NDST3: variants seen among roughly 807,000 people sequenced by gnomAD.
NDST3 encodes the protein bifunctional heparan sulfate N-deacetylase/N-sulfotransferase 3.
In NDST3, 58 loss-of-function variants were observed where a neutral mutation model predicts 96.1. The ratio of observed to expected loss-of-function variants is 0.60; its 90% CI spans 0.49 to 0.75. The LOEUF is 0.75. NDST3 is among the 30% of genes least tolerant of loss of function. The pLI, the probability that NDST3 is intolerant of heterozygous loss-of-function variation, is 0.00. For synonymous variants in NDST3, 333 were observed against 359.7 expected, an observed-to-expected ratio of 0.93 and a Z score of 0.84; for missense variants, 788 against 1,034.2, an observed-to-expected ratio of 0.76 and a Z score of 3.27.
intron 8 of NDST3, among the ~76,000 whole-genome samples, chr4:118,230,422 AAAT>A (rs1378492495): frequency 1.3e-5 from 2 of 152,126 alleles, no homozygotes; most frequent in Non-Finnish European, 2.9e-5. Context: ...AAAAATACAA[AAAT>A]TTAGCCGGGT....
chr4:118,152,221 G>A lies in NDST3; in HGVS notation c.1539+8537G>A, dbSNP rs1734445061. 5.3e-5 allele frequency among the ~76,000 whole-genome samples: 8 copies of A among 152,112 alleles called. No individual in the cohort carries two copies. In the South Asian group the frequency reaches 1.7e-3, roughly 31 times the overall value. ...CACTGGGGCTGAATTATGTATCGTT[G>A]TGTTCTGTTCTTTACACATGCATTT... On this transcript the variant is annotated intron_variant, in intron 6 of 13. Transcript: ENST00000296499.
chr4:118,226,393 C>T lies in NDST3; in HGVS notation c.1723-493C>T, dbSNP rs74626588. On this transcript the variant is annotated intron_variant, in intron 7 of 13. Coordinates refer to ENST00000296499, the MANE Select transcript of NDST3 (RefSeq NM_004784.3). ...TAGATATACATTTATCAACCTTTGA[C>T]GGCAGCTGAGACGTATCTGCTGTCT... is the stretch of plus-strand genomic sequence containing the variant. 5.4e-3 allele frequency among the ~76,000 whole-genome samples: 817 copies of T among 152,212 alleles called. 14 individuals are homozygous for T. Among genetic ancestry groups the T allele is most frequent in the African/African-American group, 0.019 (775 of 41,536 alleles).
Position 118,226,915 on chromosome 4 carries a change from C to T in NDST3, c.1752C>T (p.Asp584=). 6.2e-7 allele frequency: 1 copy of T among 1,613,608 alleles called. No homozygotes were observed. The highest frequency in any genetic ancestry group is 8.5e-7 in the Non-Finnish European group (1 of 1,179,818). ...QNPCDDKRHR[D]IWSKEKTCDR... Reference sequence around the variant, plus strand: ...CTTGCGATGACAAACGCCACAGAGACATTTGGTCTAAAGAAAAAACTTGTG... The same window carrying T: ...CTTGCGATGACAAACGCCACAGAGATATTTGGTCTAAAGAAAAAACTTGTG... Residue 584 remains aspartate (D), a synonymous_variant, in exon 8 of 14, where the codon GAC becomes GAT. Transcript: ENST00000296499.
At chr4:118,124,988 C>T (rs1277320442) in intron 4 of NDST3, among the ~76,000 whole-genome samples, 1 of 151,988 alleles carries the variant, frequency 6.6e-6, no homozygotes, top group Non-Finnish European at 1.5e-5. Context: ...CCTCAAGTTC[C>T]AGATTTTTTT....
chr4:118,145,568 T>C (rs1733878233), intron 6 of NDST3, among the ~76,000 whole-genome samples: 1 of 152,244 alleles, frequency 6.6e-6, no homozygotes, highest in South Asian at 2.1e-4. Context: ...CTATTGTCTT[T>C]GTTTTTAAAA....
intron 4 of NDST3, among the ~76,000 whole-genome samples, chr4:118,129,906 T>C (rs1346450134): frequency 1.1e-4 from 17 of 152,112 alleles, no homozygotes. Context: ...TTATATACTA[T>C]TACGGGGTTG....
rs1223804983 is a variant in NDST3, at chr4:118,256,313, T to A, written c.*601T>A. 2.0e-5 allele frequency: 3 copies of A among 151,800 alleles called. No individual in the cohort carries two copies. The highest frequency in any genetic ancestry group is 7.3e-5 in the African/African-American group (3 of 41,364). 9.4% of individuals were successfully genotyped at this position (151,800 alleles called of 1,614,324 possible). A position where few individuals can be genotyped will look rare whatever the true frequency, so the allele number is the denominator to read the frequency against. On this transcript the variant is annotated 3_prime_UTR_variant, in exon 14 of 14. Transcript: ENST00000296499. ...GAGTGTTATCTGCACCAAAAAAAAA[T>A]AAGTGCTATAGCAAAAGTGATTTTT... is the stretch of plus-strand genomic sequence containing the variant.
At chr4:118,071,425 C>T (rs1727064181) in intron 2 of NDST3, among the ~76,000 whole-genome samples, 1 of 152,100 alleles carries the variant, frequency 6.6e-6, no homozygotes, top group East Asian at 1.9e-4. Flanking sequence ...CCTCCACCCT[C>T]AAGTAGGTGC....
At chr4:118,055,813 T>C (rs1725391874) in intron 2 of NDST3, among the ~76,000 whole-genome samples, 1 of 151,848 alleles carries the variant, frequency 6.6e-6, no homozygotes, top group Non-Finnish European at 1.5e-5. Context: ...GAGCAAAAAA[T>C]ACATCTTGAA....
chr4:118,095,745 A>G (rs1451977791), intron 2 of NDST3, among the ~76,000 whole-genome samples: 4 of 151,806 alleles, frequency 2.6e-5, no homozygotes, highest in African/African-American at 9.7e-5. Context: ...TTTTCCCTAC[A>G]CTGGCAACCA....
intron 2 of NDST3, among the ~76,000 whole-genome samples, chr4:118,061,594 G>T (rs921543276): frequency 6.6e-6 from 1 of 152,040 alleles, no homozygotes; most frequent in African/African-American, 2.4e-5. Flanking sequence ...TTATTAGGTT[G>T]GTGCAAAAAT....
Position 118,204,741 on chromosome 4 carries a change from T to C in NDST3, c.1540-19750T>C, listed in dbSNP as rs1206850357. On this transcript the variant is annotated intron_variant, in intron 6 of 13. Transcript: ENST00000296499. Reference sequence around the variant, plus strand: ...GTATATACACATGTGTCTTTGTGAATATAAATATAAATCTATCTATATATA... The same window carrying C: ...GTATATACACATGTGTCTTTGTGAACATAAATATAAATCTATCTATATATA... 2.1e-5 allele frequency among the ~76,000 whole-genome samples: 3 copies of C among 144,918 alleles called. 1 individual carries two copies. The highest frequency in any genetic ancestry group is 4.6e-5 in the Non-Finnish European group (3 of 65,384).
chr4:118,194,333 A>T lies in NDST3; in HGVS notation c.1540-30158A>T, dbSNP rs561538282. 845 of 734,136 alleles carry T rather than the reference A, an allele frequency of 1.2e-3. 13 individuals carry two copies. The South Asian group carries it at 0.012, about 10-fold the overall frequency. 45.5% of individuals were successfully genotyped at this position (734,136 alleles called of 1,614,324 possible). On this transcript the variant is annotated intron_variant, in intron 6 of 13. Transcript: ENST00000296499. ...TTCCGCCATCTTCTTCTTCCGTCAG[A>T]TCTTCTCCCTTAAACTCAAACAACT...
Position 118,054,268 on chromosome 4 carries a change from C to T in NDST3, c.358C>T (p.Leu120Phe), listed in dbSNP as rs1254201469. ...IAPGKGDLPV[L>F]IDKMKGKYIL... ...CCCTGGAAAGGGAGATCTCCCAGTGCTTATAGACAAAATGAAAGGCAAATA... is the reference window on the plus strand; with the variant it reads ...CCCTGGAAAGGGAGATCTCCCAGTGTTTATAGACAAAATGAAAGGCAAATA... The change falls in exon 2 of 14, where the codon CTT becomes TTT. Residue 120 changes from leucine to phenylalanine, a missense_variant. Around this residue, in one of 3 missense-constraint regions of NDST3, gnomAD observed 234 missense variants for 256.9 expected, o/e 0.91. Coordinates refer to ENST00000296499, the MANE Select transcript of NDST3 (RefSeq NM_004784.3). The T allele has an allele frequency of 1.2e-6, 2 of 1,612,094 alleles. No individual in the cohort carries two copies. The highest frequency in any genetic ancestry group is 1.7e-6 in the Non-Finnish European group (2 of 1,179,156).
chr4:118,236,415 T>TA (rs1311418768), intron 9 of NDST3, among the ~76,000 whole-genome samples: 3 of 152,204 alleles, frequency 2.0e-5, no homozygotes, highest in Non-Finnish European at 4.4e-5. Flanking sequence ...GGAAATTTGT[T>TA]AGAGTTTTAT....
chr4:118,217,113 A>G (rs918011591), intron 6 of NDST3, among the ~76,000 whole-genome samples: 1 of 152,116 alleles, frequency 6.6e-6, no homozygotes, highest in Non-Finnish European at 1.5e-5. Context: ...AACAGTGGAC[A>G]TGACACTCTT....
rs187815625 is a variant in NDST3 at position 118,204,458 on chromosome 4, A to G, written c.1540-20033A>G. On this transcript the variant is annotated intron_variant, in intron 6 of 13. Coordinates refer to ENST00000296499, the MANE Select transcript of NDST3 (RefSeq NM_004784.3). ...GGTCACAAAAAGGAAAGTGACATAC[A>G]GAAAATGGAAGTGAGGTACACAAAC... 3.5e-4 allele frequency among the ~76,000 whole-genome samples: 51 copies of G among 144,800 alleles called. 8 individuals are homozygous for G. Among genetic ancestry groups the G allele is most frequent in the African/African-American group, 7.9e-4 (31 of 39,220 alleles). The allele number at this position is 144,800 out of a possible 152,430, so 95.0% of individuals were successfully genotyped here.
chr4:118,090,884 G>A lies in NDST3; in HGVS notation c.982-14134G>A, dbSNP rs1728809453. 2.0e-5 allele frequency among the ~76,000 whole-genome samples: 3 copies of A among 151,804 alleles called. No homozygotes were observed. In the South Asian group the frequency reaches 6.2e-4, roughly 31 times the overall value. On this transcript the variant is annotated intron_variant, in intron 2 of 13. Coordinates refer to ENST00000296499, the MANE Select transcript of NDST3 (RefSeq NM_004784.3). ...ATGAAAGGGTCTGATTGGATGAGAT[G>A]TAAAGAGATAAAATATGTACATAGT...
intron 12 of NDST3, among the ~76,000 whole-genome samples, chr4:118,251,084 A>T (rs1353553468): frequency 1.5e-5 from 2 of 134,758 alleles, no homozygotes; most frequent in Non-Finnish European, 3.3e-5. Flanking sequence ...TTTAGCTATA[A>T]ATTTTTTATT....
Sources: gnomAD v4.1 joint callset for allele counts (sites outside exome capture counted in the v4.1 genomes callset) on GRCh38, gnomAD v4.1.1 for gene constraint, gnomAD v4.1.1 regional missense constraint, MANE v1.5 for transcripts, NCBI Gene and HGNC (gene_info 2026-07-23, HGNC 2026-07-21) for gene names.